GPC5: variants seen among roughly 807,000 people sequenced by gnomAD.
The protein encoded by GPC5 is glypican-5.
In GPC5, 47 loss-of-function variants were observed where a neutral mutation model predicts 53.9. The ratio of observed to expected loss-of-function variants is 0.87; its 90% confidence interval spans 0.69 to 1.11. GPC5 has a LOEUF of 1.11. GPC5 is among the 50% of genes most tolerant of loss of function. The pLI is 0.00. For synonymous variants in GPC5, 286 were observed against 263.3 expected (o/e 1.09, Z -0.84); for missense variants, 748 against 713.1 (o/e 1.05, Z -0.56).
chr13:92,716,244 A>AT (rs1371060032), intron 7 of GPC5, among the ~76,000 whole-genome samples: 2 of 151,958 alleles, frequency 1.3e-5, no homozygotes, highest in African/African-American at 2.4e-5. Flanking sequence ...AGATCCCTCC[A>AT]TTTTCTGCTA....
chr13:92,350,486 T>C (rs1402803198), intron 7 of GPC5, among the ~76,000 whole-genome samples: 4 of 152,064 alleles, frequency 2.6e-5, no homozygotes, highest in Admixed American at 1.3e-4. Flanking sequence ...TCTAAAACAG[T>C]TGAACTCATA....
intron 4 of GPC5, among the ~76,000 whole-genome samples, chr13:91,750,606 C>G (rs568481025): frequency 6.6e-6 from 1 of 150,756 alleles, no homozygotes; most frequent in East Asian, 1.9e-4. Context: ...GAGCATTGAG[C>G]TGGCAACTGA....
intron 6 of GPC5, among the ~76,000 whole-genome samples, chr13:92,046,754 T>C (rs1328661506): frequency 2.6e-5 from 4 of 152,286 alleles, no homozygotes; most frequent in Admixed American, 6.5e-5. Context: ...TTAATGAAGA[T>C]AGAATTTTAC....
intron 7 of GPC5, among the ~76,000 whole-genome samples, chr13:92,567,965 T>C (rs1882911675): frequency 6.6e-6 from 1 of 152,156 alleles, no homozygotes; most frequent in Admixed American, 6.6e-5. Context: ...AGTGTAGAAA[T>C]TGAAAAAGAA....
chr13:92,319,590 C>T (rs1248770981), intron 7 of GPC5, among the ~76,000 whole-genome samples: 1 of 152,084 alleles, frequency 6.6e-6, no homozygotes, highest in Non-Finnish European at 1.5e-5. Flanking sequence ...TTATATATTC[C>T]ACATAAATAC....
intron 7 of GPC5, among the ~76,000 whole-genome samples, chr13:92,356,389 T>G (rs2043522720): frequency 6.6e-6 from 1 of 152,216 alleles, no homozygotes; most frequent in Non-Finnish European, 1.5e-5. Context: ...TTGGCTTTTA[T>G]GCAGTGCTAT....
intron 7 of GPC5, among the ~76,000 whole-genome samples, chr13:92,352,428 G>T (rs752560468): frequency 6.6e-6 from 1 of 152,120 alleles, no homozygotes; most frequent in Non-Finnish European, 1.5e-5. Context: ...TAAGCAAGAA[G>T]CTAGGTTACA....
chr13:92,011,261 G>T (rs956323063), intron 6 of GPC5, among the ~76,000 whole-genome samples: 47 of 152,004 alleles, frequency 3.1e-4, no homozygotes, highest in African/African-American at 9.9e-4. Context: ...TTTAATAGAC[G>T]AATTGGTCCA....
At chr13:92,507,067 C>T (rs1315081856) in intron 7 of GPC5, among the ~76,000 whole-genome samples, 2 of 152,144 alleles carry the variant, frequency 1.3e-5, no homozygotes, top group Admixed American at 6.5e-5. Flanking sequence ...CTTCCTCTGC[C>T]TAGAATATTC....
Position 92,470,144 on chromosome 13 carries a change from T to C in GPC5, c.1561+325155T>C, listed in dbSNP as rs1026891441. On this transcript the variant is annotated intron_variant, in intron 7 of 7. Transcript: ENST00000377067. ...TCGTGTTTTACTCAACCTTAGGGCA[T>C]GTTTAAGGATCACGTTTAATTATAG... 3.9e-5 allele frequency among the ~76,000 whole-genome samples: 6 copies of C among 152,280 alleles called. No homozygotes were observed. In the East Asian group the frequency reaches 1.2e-3, roughly 29 times the overall value.
intron 7 of GPC5, among the ~76,000 whole-genome samples, chr13:92,816,004 G>A (rs1283061598): frequency 1.3e-5 from 2 of 151,830 alleles, no homozygotes; most frequent in South Asian, 2.1e-4. Context: ...GGGTTCTGGG[G>A]AAAGATCAGA....
At position 92,248,686 on chromosome 13, in the gene GPC5, C is replaced by T. The variant is rs2042670452; in HGVS notation, c.1561+103697C>T. On this transcript the variant is annotated intron_variant, in intron 7 of 7. Transcript: ENST00000377067. ...CATAATTATTTATCAATTCACCAAACAATTATTATTTCTCAGTTCTAGGAT... is the reference window on the plus strand; with the variant it reads ...CATAATTATTTATCAATTCACCAAATAATTATTATTTCTCAGTTCTAGGAT... 2.0e-5 allele frequency among the ~76,000 whole-genome samples: 3 copies of T among 152,084 alleles called. No homozygotes were observed. The South Asian group carries it at 6.2e-4, about 32-fold the overall frequency.
chr13:92,430,117 G>GA (rs1008005127), intron 7 of GPC5, among the ~76,000 whole-genome samples: 9 of 148,816 alleles, frequency 6.0e-5, no homozygotes, highest in African/African-American at 1.7e-4. Context: ...AAAAAATTTA[G>GA]AAAAAAAAAT....
intron 7 of GPC5, among the ~76,000 whole-genome samples, chr13:92,320,550 C>A (rs2043209077): frequency 6.6e-6 from 1 of 152,110 alleles, no homozygotes; most frequent in Non-Finnish European, 1.5e-5. Context: ...TCCTTTAGTA[C>A]ACAGTGTTCC....
intron 7 of GPC5, among the ~76,000 whole-genome samples, chr13:92,161,857 A>T: frequency 6.7e-6 from 1 of 149,484 alleles, no homozygotes; most frequent in East Asian, 2.0e-4. Context: ...GTTTTTATTG[A>T]TTATGTTTGA....
intron 2 of GPC5, among the ~76,000 whole-genome samples, chr13:91,573,683 T>C (rs1188041181): frequency 6.6e-6 from 1 of 152,140 alleles, no homozygotes; most frequent in African/African-American, 2.4e-5. Context: ...ATCTAATTTA[T>C]TTCCTAATTA....
chr13:92,247,507 T>C (rs1367937205), intron 7 of GPC5, among the ~76,000 whole-genome samples: 1 of 152,154 alleles, frequency 6.6e-6, no homozygotes, highest in African/African-American at 2.4e-5. Flanking sequence ...CAAGCAAGTA[T>C]AAATTATGAC....
intron 7 of GPC5, among the ~76,000 whole-genome samples, chr13:92,704,235 A>C (rs990057282): frequency 2.0e-5 from 3 of 152,056 alleles, no homozygotes; most frequent in Admixed American, 2.0e-4. Flanking sequence ...CTTTCTCTCC[A>C]ATGCAACAAA....
chr13:91,903,200 T>C (rs1945259082), intron 5 of GPC5, among the ~76,000 whole-genome samples: 1 of 152,108 alleles, frequency 6.6e-6, no homozygotes, highest in African/African-American at 2.4e-5. Context: ...ATATGTTCTG[T>C]ATCTTGCTTC....
Sources: allele counts gnomAD v4.1 joint callset (sites outside exome capture counted in the v4.1 genomes callset), GRCh38; gene constraint gnomAD v4.1.1; transcripts MANE v1.5; gene names NCBI Gene and HGNC (gene_info 2026-07-23, HGNC 2026-07-21).